Variants in ORC3 observed in about 807,000 individuals in gnomAD.
ORC3 encodes the protein homolog of latheo, Drosophila.
A neutral mutation model predicts 100.7 loss-of-function variants in ORC3; 78 were observed. That is an observed-to-expected ratio of 0.77 (90% confidence interval 0.65 to 0.94). The LOEUF (loss-of-function observed/expected upper bound fraction) is 0.94, where lower values mean the gene tolerates loss of function less well. ORC3 is among the 40% of genes least tolerant of loss of function. ORC3 has a pLI of 0.00. For missense variants in ORC3, 789 were observed against 823.9 expected (o/e 0.96, Z 0.52); for synonymous variants, 295 against 289.3 (o/e 1.02, Z -0.20).
intron 12 of ORC3, 123 bp downstream of exon 12, chr6:87,635,084 A>G (rs1031357475): frequency 1.3e-6 from 1 of 741,346 alleles, no homozygotes. Context: ...TGAGAACACA[A>G]TCTAAATCCA....
At chr6:87,655,999 T>C (rs925782956) in intron 14 of ORC3, among the ~76,000 whole-genome samples, 2 of 152,172 alleles carry the variant, frequency 1.3e-5, no homozygotes, top group Admixed American at 1.3e-4. Context: ...CTGTCATAGT[T>C]TTAGGCCAAA....
chr6:87,614,787 C>T (rs1236378528), intron 8 of ORC3, among the ~76,000 whole-genome samples: 2 of 152,188 alleles, frequency 1.3e-5, no homozygotes, highest in Non-Finnish European at 2.9e-5. Context: ...ATCTGAGACC[C>T]CCTCAGCCTG....
At chr6:87,662,830 T>G (rs1264482557) in intron 16 of ORC3, among the ~76,000 whole-genome samples, 173 bp from the exon 17 acceptor site, 1 of 152,192 alleles carries the variant, frequency 6.6e-6, no homozygotes, top group African/African-American at 2.4e-5. Flanking sequence ...TTGTTTTTGG[T>G]TGTTAATTTT....
At chr6:87,647,665 G>T (rs1016718129) in intron 13 of ORC3, among the ~76,000 whole-genome samples, 3 of 152,162 alleles carry the variant, frequency 2.0e-5, no homozygotes, top group Non-Finnish European at 2.9e-5. Flanking sequence ...GATTCAATAA[G>T]GTGTACCTCA....
the ORC3 span, chr6:87,677,752 G>T: frequency 6.5e-7 from 1 of 1,530,376 alleles, no homozygotes; most frequent in Non-Finnish European, 8.9e-7. Flanking sequence ...TGAAATTAAA[G>T]TACACGTGGA....
chr6:87,653,152 G>T lies in ORC3; in HGVS notation c.1419G>T (p.Glu473Asp). 1.2e-6 allele frequency: 2 copies of T among 1,613,474 alleles called. No homozygotes were observed. The highest frequency in any genetic ancestry group is 1.1e-5 in the South Asian group (1 of 91,058). ...AGGATGAACTGATGACCATACTTGA[G>T]AAATGTTTCAAGGTTTTTAAGTCTT... ...LAKDELMTIL[E>D]KCFKVFKSYC... Residue 473 changes from glutamate (E) to aspartate (D), a missense_variant, in exon 14 of 20, where the codon GAG (glutamate) becomes GAT (aspartate). Transcript: ENST00000392844.
intron 11 of ORC3, among the ~76,000 whole-genome samples, chr6:87,632,205 A>G (rs1767478000): frequency 6.6e-6 from 1 of 152,216 alleles, no homozygotes; most frequent in African/African-American, 2.4e-5. Context: ...TTGAATAAGT[A>G]AAGGCAGATA....
intron 2 of ORC3, among the ~76,000 whole-genome samples, chr6:87,595,919 G>C (rs758972565): frequency 5.9e-5 from 9 of 152,122 alleles, no homozygotes; most frequent in Non-Finnish European, 1.0e-4. Context: ...CTTCAGCCTT[G>C]AAAACTCCTG....
At chr6:87,598,863 A>G (rs1051174867) in intron 2 of ORC3, among the ~76,000 whole-genome samples, 4 of 152,174 alleles carry the variant, frequency 2.6e-5, no homozygotes, top group Admixed American at 1.3e-4. Context: ...TTTGCCCACC[A>G]TCTGTCCCCT....
intron 8 of ORC3, 144 bp downstream of exon 8, chr6:87,612,392 A>G (rs1158575418): frequency 4.2e-6 from 2 of 476,808 alleles, no homozygotes; most frequent in Admixed American, 8.1e-5. Context: ...TAATATTTTT[A>G]CTTAATAATT....
chr6:87,600,795 G>C (rs1312008162), intron 2 of ORC3, among the ~76,000 whole-genome samples: 1 of 93,574 alleles, frequency 1.1e-5, no homozygotes, highest in Non-Finnish European at 2.1e-5. Context: ...CAATTTAGTG[G>C]ACTATGAGTA....
chr6:87,644,079 C>CTTTTTTTTTT lies in ORC3; in HGVS notation c.1382+7615_1382+7624dup, dbSNP rs1156943778. 1.5e-3 allele frequency among the ~76,000 whole-genome samples: 79 copies of CTTTTTTTTTT among 51,414 alleles called. 9 individuals carry two copies. Among genetic ancestry groups the CTTTTTTTTTT allele is most frequent in the African/African-American group, 2.4e-3 (25 of 10,514 alleles). 33.7% of individuals were successfully genotyped at this position (51,414 alleles called of 152,430 possible). The stretch of plus-strand genomic sequence containing the variant: ...CCACAGATACAGATGGCTGACTGTC[C>CTTTTTTTTTT]TTTTTTTTTTTTTTTTTTTTTTTTT... On this transcript the variant is annotated intron_variant, in intron 13 of 19. Coordinates refer to ENST00000392844, the MANE Select transcript of ORC3 (RefSeq NM_012381.4).
intron 13 of ORC3, 76 bp downstream of exon 13, chr6:87,636,562 C>T (rs896846450): frequency 2.8e-5 from 24 of 853,682 alleles, no homozygotes; most frequent in Admixed American, 8.0e-5. Context: ...CCTCTAGAAC[C>T]CTGCCTGCCA....
chr6:87,607,820 C>T lies in ORC3; in HGVS notation c.575C>T (p.Thr192Ile). Residue 192 changes from threonine (T) to isoleucine (I), a missense_variant, in exon 6 of 20, where the codon ACA becomes ATA. Around this residue, in one of 3 missense-constraint regions of ORC3, gnomAD observed 399 missense variants for 382.0 expected, o/e 1.04. Coordinates refer to ENST00000392844, the MANE Select transcript of ORC3 (RefSeq NM_012381.4). ...CTTTCCAGTTGGTATATGACTGTCA[C>T]ACAGGTAGATATAAACTGATGATTT... ...DSLSSWYMTV[T>I]QKTDPKMLSK... is the part of the protein sequence containing the mutation. 1.9e-6 allele frequency: 3 copies of T among 1,605,908 alleles called. No homozygotes were observed. The highest frequency in any genetic ancestry group is 2.2e-5 in the East Asian group (1 of 44,748).
intron 13 of ORC3, among the ~76,000 whole-genome samples, chr6:87,646,628 T>C (rs1380825158): frequency 2.0e-5 from 3 of 152,220 alleles, no homozygotes; most frequent in East Asian, 1.9e-4. Flanking sequence ...TAACCTGTTA[T>C]CAGCATTTGA....
At chr6:87,670,970 C>A (rs1209276224), downstream of ORC3, among the ~76,000 whole-genome samples, 2 of 152,164 alleles carry the variant, frequency 1.3e-5, no homozygotes, top group Non-Finnish European at 2.9e-5. Flanking sequence ...TAGGCAGACA[C>A]TAGCAGTAAC....
At chr6:87,647,568 G>A (rs867100587) in intron 13 of ORC3, among the ~76,000 whole-genome samples, 9 of 151,956 alleles carry the variant, frequency 5.9e-5, no homozygotes, top group Non-Finnish European at 8.8e-5. Context: ...CGCATATATC[G>A]TATATATGAT....
chr6:87,602,904 AT>A (rs1778015981), intron 3 of ORC3, among the ~76,000 whole-genome samples: 5 of 91,046 alleles, frequency 5.5e-5, no homozygotes, highest in Admixed American at 1.4e-4. Flanking sequence ...TCATATATAT[AT>A]TATATATTAT....
the ORC3 span, chr6:87,677,689 T>G: frequency 8.5e-7 from 1 of 1,182,898 alleles, no homozygotes; most frequent in South Asian, 1.6e-5. Flanking sequence ...TTTTCTTTCC[T>G]GAACTGAAAT....
Sources: gnomAD v4.1 joint callset for allele counts (sites outside exome capture counted in the v4.1 genomes callset) on GRCh38, gnomAD v4.1.1 for gene constraint, gnomAD v4.1.1 regional missense constraint, MANE v1.5 for transcripts, NCBI Gene and HGNC (gene_info 2026-07-23, HGNC 2026-07-21) for gene names.